PAX7: variants seen among roughly 807,000 people sequenced by gnomAD.
PAX7 encodes paired box protein Pax-7.
Under a neutral mutation model 50.7 loss-of-function variants are expected in PAX7, and 18 were observed. The ratio of observed to expected loss-of-function variants is 0.36; its 90% CI spans 0.25 to 0.53. PAX7 has a LOEUF of 0.53. Ranked by LOEUF, PAX7 falls within the 20% of genes least tolerant of loss-of-function variation. The pLI, the probability that PAX7 is intolerant of heterozygous loss-of-function variation, is 0.93. For synonymous variants in PAX7, 310 were observed against 290.4 expected (o/e 1.07, Z -0.69); for missense variants, 644 against 702.9 (o/e 0.92, Z 0.95).
intron 7 of PAX7, among the ~76,000 whole-genome samples, chr1:18,705,778 G>A (rs2236824): frequency 6.6e-6 from 1 of 151,982 alleles, no homozygotes; most frequent in Non-Finnish European, 1.5e-5. Flanking sequence ...TAAGTTGGAC[G>A]CCCAGCCCTC....
rs2236812 is a variant in PAX7, at chr1:18,725,313, G to A, written c.1156-10319G>A. On this transcript the variant is annotated intron_variant, in intron 7 of 8. Transcript: ENST00000420770. ...ACAGAGGTGGAGACGCCCCCCCCCC[G>A]CCCCACCAACACCGCCAGGCCAGGG... Among the ~76,000 whole-genome samples the A allele has an allele frequency of 3.2e-4, 8 of 25,272 alleles. 1 individual carries two copies. In the South Asian group the frequency reaches 4.0e-3, roughly 13 times the overall value. The allele number at this position is 25,272 out of a possible 152,430, so 16.6% of individuals were successfully genotyped here. A position where few individuals can be genotyped will look rare whatever the true frequency, so the allele number is the denominator to read the frequency against.
At chr1:18,671,431 A>G (rs922306344) in intron 4 of PAX7, among the ~76,000 whole-genome samples, 3 of 152,218 alleles carry the variant, frequency 2.0e-5, no homozygotes, top group Admixed American at 2.0e-4. Context: ...TCTTATTTCC[A>G]GGGGAATCTA....
At chr1:18,708,989 G>A (rs113189500) in intron 7 of PAX7, among the ~76,000 whole-genome samples, 6 of 152,242 alleles carry the variant, frequency 3.9e-5, no homozygotes, top group Admixed American at 2.0e-4. Context: ...TGCCAGTTTC[G>A]AGGGTCCCTT....
intron 4 of PAX7, among the ~76,000 whole-genome samples, chr1:18,641,504 A>G (rs2088253156): frequency 6.6e-6 from 1 of 151,936 alleles, no homozygotes; most frequent in South Asian, 2.1e-4. Context: ...GCACGTCTGA[A>G]CCGGGTGGGG....
intron 6 of PAX7, among the ~76,000 whole-genome samples, chr1:18,702,003 C>T (rs941137220): frequency 2.0e-5 from 3 of 152,084 alleles, no homozygotes; most frequent in South Asian, 2.1e-4. Flanking sequence ...CCCAGAAGCC[C>T]TGTCCCAGCA....
chr1:18,662,821 C>T (rs979997960), intron 4 of PAX7, among the ~76,000 whole-genome samples: 1 of 152,052 alleles, frequency 6.6e-6, no homozygotes, highest in African/African-American at 2.4e-5. Context: ...GATCCTCCTG[C>T]CTTGGACTCC....
rs529703096 is a variant in PAX7 at position 18,746,985 on chromosome 1, C to T, written c.*2056C>T. On this transcript the variant is annotated 3_prime_UTR_variant, in exon 9 of 9. Coordinates refer to ENST00000420770, the MANE Select transcript of PAX7 (RefSeq NM_001135254.2). The stretch of plus-strand genomic sequence containing the variant: ...CAACTGGAGCGTCCACTGCCAGAGA[C>T]CTTTGGCTCTTCAAGCTCGGGACAA... The T allele has an allele frequency of 1.3e-4, 30 of 231,436 alleles. No homozygotes were observed. The highest frequency in any genetic ancestry group is 6.4e-4 in the African/African-American group (29 of 45,356). The allele number at this position is 231,436 out of a possible 1,614,324, so 14.3% of individuals were successfully genotyped here.
intron 6 of PAX7, among the ~76,000 whole-genome samples, chr1:18,701,051 A>T (rs2089212593): frequency 6.6e-6 from 1 of 152,118 alleles, no homozygotes; most frequent in Non-Finnish European, 1.5e-5. Flanking sequence ...GAGCTTCTCA[A>T]ATGGTACCAG....
intron 4 of PAX7, among the ~76,000 whole-genome samples, chr1:18,638,160 G>T (rs2088192638): frequency 6.6e-6 from 1 of 152,248 alleles, no homozygotes; most frequent in Non-Finnish European, 1.5e-5. Context: ...TCCTTGGAGA[G>T]ACTTTAATTG....
At chr1:18,702,687 T>A (rs1228423363) in intron 6 of PAX7, among the ~76,000 whole-genome samples, 1 of 152,172 alleles carries the variant, frequency 6.6e-6, no homozygotes, top group Non-Finnish European at 1.5e-5. Context: ...ATTTACAGTC[T>A]TGCTTCATAC....
rs532741416 is a variant in PAX7 at position 18,725,335 on chromosome 1, A to AG, written c.1156-10291dup. Among the ~76,000 whole-genome samples, 665 of 136,314 alleles carry AG rather than the reference A, an allele frequency of 4.9e-3. 8 individuals carry two copies. Among genetic ancestry groups the AG allele is most frequent in the African/African-American group, 0.016 (616 of 37,732 alleles). 89.4% of individuals were successfully genotyped at this position (136,314 alleles called of 152,430 possible). ...CCCGCCCCACCAACACCGCCAGGCC[A>AG]GGGGGGCCTGAGAGCCCAGACGTCC... On this transcript the variant is annotated intron_variant, in intron 7 of 8. Coordinates refer to ENST00000420770, the MANE Select transcript of PAX7 (RefSeq NM_001135254.2).
chr1:18,721,941 T>C (rs1404346877), intron 7 of PAX7, among the ~76,000 whole-genome samples: 4 of 151,886 alleles, frequency 2.6e-5, no homozygotes, highest in Non-Finnish European at 4.4e-5. Flanking sequence ...AATTGGAGAG[T>C]ATTATCTAAG....
intron 4 of PAX7, among the ~76,000 whole-genome samples, chr1:18,657,927 C>T (rs554690321): frequency 1.6e-4 from 24 of 152,310 alleles, no homozygotes; most frequent in Admixed American, 5.2e-4. Context: ...GACAAAGGCC[C>T]CAGGGCCCGC....
intron 1 of PAX7, 85 bp downstream of exon 1, chr1:18,631,773 T>G (rs932081764): frequency 2.6e-6 from 3 of 1,134,922 alleles, no homozygotes; most frequent in Non-Finnish European, 3.9e-6. Context: ...CAGGGGACGG[T>G]GGCGGCGCCG....
At chr1:18,714,311 C>A (rs1009587865) in intron 7 of PAX7, among the ~76,000 whole-genome samples, 1 of 152,150 alleles carries the variant, frequency 6.6e-6, no homozygotes, top group Non-Finnish European at 1.5e-5. Context: ...GCGCTCAGAG[C>A]CTCATTTTAC....
chr1:18,737,445 T>A (rs1930818887), intron 8 of PAX7, among the ~76,000 whole-genome samples: 1 of 152,244 alleles, frequency 6.6e-6, no homozygotes. Context: ...TCACAACCCT[T>A]CCTGTGCATG....
intron 4 of PAX7, among the ~76,000 whole-genome samples, chr1:18,649,594 G>A (rs1248003590): frequency 6.6e-6 from 1 of 151,592 alleles, no homozygotes; most frequent in Non-Finnish European, 1.5e-5. Context: ...TCAAGCCATT[G>A]CCACACCCAC....
chr1:18,724,925 C>T (rs1398996877), intron 7 of PAX7, among the ~76,000 whole-genome samples: 1 of 152,216 alleles, frequency 6.6e-6, no homozygotes, highest in Non-Finnish European at 1.5e-5. Flanking sequence ...TACACATCCT[C>T]ATTTCAGAGA....
chr1:18,663,657 C>T (rs2088630110), intron 4 of PAX7, among the ~76,000 whole-genome samples: 1 of 152,228 alleles, frequency 6.6e-6, no homozygotes, highest in African/African-American at 2.4e-5. Context: ...GCTGGGCTTA[C>T]AGGCGTGAGC....
Sources: gnomAD v4.1 joint callset for allele counts (sites outside exome capture counted in the v4.1 genomes callset) on GRCh38, gnomAD v4.1.1 for gene constraint, MANE v1.5 for transcripts, NCBI Gene and HGNC (gene_info 2026-07-23, HGNC 2026-07-21) for gene names.